The following CDH2 variants were observed in gnomAD, a reference collection of about 807,000 sequenced individuals.
The protein encoded by CDH2 is cadherin 2, also known as cadherin-2.
CDH2 carries 17 observed loss-of-function variants against 92.0 expected under a neutral mutation model. The ratio of observed to expected loss-of-function variants is 0.18; its 90% CI spans 0.13 to 0.28. CDH2 has a LOEUF of 0.28. Among genes scored for constraint, CDH2 ranks in the 10% least tolerant of loss-of-function variants. CDH2 has a pLI of 1.00. For synonymous variants in CDH2, 419 were observed against 415.9 expected (o/e 1.01, Z -0.09); for missense variants, 862 against 1,133.1 (o/e 0.76, Z 3.44).
chr18:28,168,950 G>A (rs962862718), intron 1 of CDH2, among the ~76,000 whole-genome samples: 1 of 152,094 alleles, frequency 6.6e-6, no homozygotes, highest in Non-Finnish European at 1.5e-5. Flanking sequence ...AGCCCAACTT[G>A]AATATGACAA....
chr18:28,000,346 C>T (rs934916878), intron 7 of CDH2, among the ~76,000 whole-genome samples: 1 of 152,190 alleles, frequency 6.6e-6, no homozygotes, highest in Non-Finnish European at 1.5e-5. Context: ...AAGCCATCCA[C>T]CCACCTCAAC....
intron 2 of CDH2, among the ~76,000 whole-genome samples, chr18:28,079,996 A>G (rs2014797290): frequency 6.6e-6 from 1 of 152,234 alleles, no homozygotes; most frequent in African/African-American, 2.4e-5. Flanking sequence ...TCTCCAGAAC[A>G]GCATTACTAG....
chr18:27,982,945 TG>T lies in CDH2; in HGVS notation c.2347del (p.Gln783ArgfsTer5). The T allele has an allele frequency of 6.3e-7, 1 of 1,592,408 alleles. No individual in the cohort carries two copies. The highest frequency in any genetic ancestry group is 8.6e-7 in the Non-Finnish European group (1 of 1,166,700). ...YDEEGGGEEDQDYDLSQLQQP... is the reference protein window; with the variant it reads ...YDEEGGGEEDXDYDLSQLQQP... The stretch of plus-strand genomic sequence containing the variant: ...TTAAAGATTTAAAGCACTGCTCACC[TG>T]GTCTTCTTCTCCTCCACCTTCTTCA... On this transcript the variant is annotated frameshift_variant and splice_region_variant, in exon 14 of 16. Transcript: ENST00000269141. LOFTEE classifies it high-confidence loss of function.
intron 2 of CDH2, among the ~76,000 whole-genome samples, chr18:28,114,874 G>A (rs1253690733): frequency 6.6e-6 from 1 of 151,702 alleles, no homozygotes; most frequent in Non-Finnish European, 1.5e-5. Context: ...CTAAATTGTA[G>A]GCTGCCTACA....
At chr18:28,170,308 T>A (rs2144368769) in intron 1 of CDH2, among the ~76,000 whole-genome samples, 1 of 152,342 alleles carries the variant, frequency 6.6e-6, no homozygotes, top group South Asian at 2.1e-4. Flanking sequence ...TTCAGAAGCC[T>A]GAAATCCTCA....
chr18:27,998,540 T>C (rs1242809538), intron 7 of CDH2, among the ~76,000 whole-genome samples: 1 of 152,166 alleles, frequency 6.6e-6, no homozygotes, highest in Admixed American at 6.5e-5. Flanking sequence ...ACATGCAGCA[T>C]GTGCACAGGT....
chr18:28,022,333 A>G (rs1429795843), intron 2 of CDH2, among the ~76,000 whole-genome samples: 1 of 152,108 alleles, frequency 6.6e-6, no homozygotes, highest in Admixed American at 6.6e-5. Flanking sequence ...TCTTTATAGC[A>G]TATAATTATG....
Position 27,985,836 on chromosome 18 carries a change from A to G in CDH2, c.1742-75T>C, listed in dbSNP as rs2012215139. On this transcript the variant is annotated intron_variant, in intron 11 of 15. Transcript: ENST00000269141. ...AGCCTCAATTATGGTGAAATTCTCA[A>G]AGCTTCTAACCTTCTGGCCCTTTTA... is the stretch of plus-strand genomic sequence containing the variant. The G allele has an allele frequency of 3.4e-6, 3 of 879,220 alleles. No individual in the cohort carries two copies. The South Asian group carries it at 4.9e-5, about 14-fold the overall frequency. 54.5% of individuals were successfully genotyped at this position (879,220 alleles called of 1,614,324 possible).
intron 2 of CDH2, among the ~76,000 whole-genome samples, chr18:28,020,008 T>C (rs2013364757): frequency 6.6e-6 from 1 of 152,110 alleles, no homozygotes. Flanking sequence ...TCCATGTGAA[T>C]CATATTTTAT....
intron 6 of CDH2, among the ~76,000 whole-genome samples, chr18:27,939,960 G>A (rs558194972): frequency 1.2e-4 from 19 of 152,226 alleles, no homozygotes; most frequent in Admixed American, 2.6e-4. Flanking sequence ...CTATATAGGC[G>A]TGTCTGCAAC....
intron 2 of CDH2, among the ~76,000 whole-genome samples, chr18:28,039,392 C>A (rs1325410569): frequency 1.3e-5 from 2 of 152,062 alleles, no homozygotes; most frequent in Non-Finnish European, 2.9e-5. Flanking sequence ...ACTTGGGAGA[C>A]TGGTATTGAT....
At chr18:28,043,890 A>AGT (rs2014013411) in intron 2 of CDH2, among the ~76,000 whole-genome samples, 9 of 91,470 alleles carry the variant, frequency 9.8e-5, no homozygotes, top group African/African-American at 3.5e-4. Flanking sequence ...AGAATCTCGG[A>AGT]TTTTTTTTTT....
intron 14 of CDH2, among the ~76,000 whole-genome samples, chr18:27,972,040 A>T (rs1054549653): frequency 6.6e-6 from 1 of 152,020 alleles, no homozygotes; most frequent in Non-Finnish European, 1.5e-5. Flanking sequence ...TCAAGAAGAG[A>T]TTTCTTGACT....
chr18:28,052,952 G>A (rs1416238206), intron 2 of CDH2, among the ~76,000 whole-genome samples: 1 of 152,110 alleles, frequency 6.6e-6, no homozygotes, highest in African/African-American at 2.4e-5. Flanking sequence ...GGTAAAATGA[G>A]GTCGTATGGG....
At position 28,011,994 on chromosome 18, in the gene CDH2, T is replaced by C; in HGVS notation, c.400-2A>G. 6.2e-7 allele frequency: 1 copy of C among 1,612,432 alleles called. No individual in the cohort carries two copies. Among genetic ancestry groups the C allele is most frequent in the Non-Finnish European group, 8.5e-7 (1 of 1,178,974 alleles). On this transcript the variant is annotated splice_acceptor_variant, in intron 3 of 15. Coordinates refer to ENST00000269141, the MANE Select transcript of CDH2 (RefSeq NM_001792.5). LOFTEE classifies it high-confidence loss of function. ...TATTTCTTCAACTTCTGCTGACTCC[T>C]TTACATTAAAATAGAAGACATTCCT...
At chr18:28,107,283 G>A (rs1476519709) in intron 2 of CDH2, among the ~76,000 whole-genome samples, 2 of 151,868 alleles carry the variant, frequency 1.3e-5, no homozygotes, top group Non-Finnish European at 2.9e-5. Context: ...CTGTAGTACT[G>A]TAGTGAAACT....
intron 6 of CDH2, among the ~76,000 whole-genome samples, chr18:27,939,449 G>A (rs1198125625): frequency 1.3e-5 from 2 of 152,170 alleles, no homozygotes; most frequent in Non-Finnish European, 2.9e-5. Context: ...CTTTATAGTA[G>A]AAATGGAGGG....
At chr18:28,000,724 C>T (rs1016493744) in intron 7 of CDH2, among the ~76,000 whole-genome samples, 1 of 151,982 alleles carries the variant, frequency 6.6e-6, no homozygotes, top group African/African-American at 2.4e-5. Flanking sequence ...TCTGGAGAAG[C>T]TGAAGAATTA....
chr18:28,082,363 A>T (rs1379972925), intron 2 of CDH2, among the ~76,000 whole-genome samples: 2 of 152,138 alleles, frequency 1.3e-5, no homozygotes, highest in Non-Finnish European at 2.9e-5. Context: ...GTGAGCTATG[A>T]TCACACAACT....
Sources: allele counts gnomAD v4.1 joint callset (sites outside exome capture counted in the v4.1 genomes callset), GRCh38; gene constraint gnomAD v4.1.1; transcripts MANE v1.5; gene names NCBI Gene and HGNC (gene_info 2026-07-23, HGNC 2026-07-21).